The following SYNPO2 variants were observed in gnomAD, a reference collection of about 807,000 sequenced individuals.
The protein encoded by SYNPO2 is synaptopodin 2.
In SYNPO2, 56 loss-of-function variants were observed where a neutral mutation model predicts 85.0. The ratio of observed to expected loss-of-function variants is 0.66; its 90% CI spans 0.53 to 0.82. The LOEUF is 0.82. SYNPO2 is among the 40% of genes least tolerant of loss of function. The pLI is 0.00. For synonymous variants in SYNPO2, 602 were observed against 591.1 expected (o/e 1.02, Z -0.27); for missense variants, 1,575 against 1,534.2 (o/e 1.03, Z -0.44).
At chr4:118,904,056 T>C (rs1481699010) in intron 1 of SYNPO2, among the ~76,000 whole-genome samples, 1 of 152,142 alleles carries the variant, frequency 6.6e-6, no homozygotes, top group Admixed American at 6.5e-5. Context: ...CAAGCTGTAA[T>C]TAATTGCATA....
At chr4:119,020,503 T>G (rs1156279149) in intron 1 of SYNPO2, among the ~76,000 whole-genome samples, 2 of 152,122 alleles carry the variant, frequency 1.3e-5, no homozygotes, top group African/African-American at 4.8e-5. Context: ...AAGAATCAAT[T>G]TTTCATCTTC....
chr4:118,902,824 A>ACT (rs1732804752), intron 1 of SYNPO2, among the ~76,000 whole-genome samples: 2 of 152,222 alleles, frequency 1.3e-5, no homozygotes, highest in Non-Finnish European at 2.9e-5. Context: ...AGTACTTAGA[A>ACT]AACATTCAAG....
chr4:119,021,920 C>T (rs1737738331), intron 1 of SYNPO2, among the ~76,000 whole-genome samples: 1 of 152,370 alleles, frequency 6.6e-6, no homozygotes, highest in Non-Finnish European at 1.5e-5. Context: ...CCTGACCTCT[C>T]ATTTCCCTTG....
At chr4:118,890,540 T>C (rs369880759) in intron 1 of SYNPO2, among the ~76,000 whole-genome samples, 16 of 148,158 alleles carry the variant, frequency 1.1e-4, no homozygotes, top group Admixed American at 5.0e-4. Context: ...ATGCCCAATT[T>C]AGCATATGTA....
At chr4:118,994,540 T>C (rs1736520176) in intron 1 of SYNPO2, among the ~76,000 whole-genome samples, 1 of 81,784 alleles carries the variant, frequency 1.2e-5, no homozygotes, top group African/African-American at 4.2e-5. Flanking sequence ...GTTAATTCAA[T>C]ATATGAACTG....
In SYNPO2 at chr4:119,030,268, G is replaced by C; in HGVS notation, c.1493G>C (p.Arg498Thr). The change falls in exon 4 of 5, where the codon AGG (arginine) becomes ACG (threonine). Residue 498 changes from arginine (R) to threonine (T), a missense_variant. By Grantham distance (71) the Arg-to-Thr change is moderately conservative. Transcript: ENST00000307142. ...AAGGGAGCCCTCATGTTTGCCAAGA[G>C]GAGGGAGAGAATGGATCAGATCACA... The part of the protein sequence containing the change: ...TGKGALMFAK[R>T]RERMDQITAQ... 1 of 1,614,046 alleles carries C rather than the reference G, an allele frequency of 6.2e-7. No homozygotes were observed. The highest frequency in any genetic ancestry group is 1.1e-5 in the South Asian group (1 of 91,076).
Position 118,890,745 on chromosome 4 carries a change from G to C in SYNPO2, c.105+1604G>C, listed in dbSNP as rs1450756858. Among the ~76,000 whole-genome samples, 148 of 104,762 alleles carry C rather than the reference G, an allele frequency of 1.4e-3. 1 individual carries two copies. The highest frequency in any genetic ancestry group is 3.1e-3 in the African/African-American group (99 of 31,598). The allele number at this position is 104,762 out of a possible 152,430, so 68.7% of individuals were successfully genotyped here. ...TCTCTCTCTCTCTCTGTGTGTGTGT[G>C]TGTGTGTGTGTAGGGAGAGAGAGAC... On this transcript the variant is annotated intron_variant, in intron 1 of 4. Transcript: ENST00000307142.
At chr4:118,915,539 T>C (rs1250041221) in intron 1 of SYNPO2, among the ~76,000 whole-genome samples, 2 of 152,208 alleles carry the variant, frequency 1.3e-5, no homozygotes, top group Non-Finnish European at 2.9e-5. Context: ...TTTTTTCTAA[T>C]GTGTAATATT....
intron 4 of SYNPO2, chr4:119,034,837 C>A (rs1738436289): frequency 5.1e-6 from 5 of 985,398 alleles, no homozygotes; most frequent in African/African-American, 1.7e-5. Context: ...GTTAGACCTC[C>A]AGACGTCAGC....
intron 1 of SYNPO2, among the ~76,000 whole-genome samples, chr4:118,940,904 TC>T (rs11294926): frequency 0.58 from 88,135 of 151,814 alleles, 26,250 homozygotes; most frequent in Admixed American, 0.73. Flanking sequence ...TTGGTGCTCC[TC>T]CGGGTTCTGC....
At position 119,057,654 on chromosome 4, in the gene SYNPO2, T is replaced by C; in HGVS notation, c.3506T>C (p.Leu1169Pro). 6.2e-7 allele frequency: 1 copy of C among 1,614,122 alleles called. No individual in the cohort carries two copies. The highest frequency in any genetic ancestry group is 1.1e-5 in the South Asian group (1 of 91,056). ...NVVSAARRKVLPGPPEDWNER... is the reference protein window; with the variant it reads ...NVVSAARRKVPPGPPEDWNER... ...GTTTCAGCAGCTCGGAGGAAGGTGC[T>C]TCCAGGGCCTCCAGAGGATTGGAAT... The change falls in exon 5 of 5, where the codon CTT becomes CCT. Residue 1169 changes from leucine to proline, a missense_variant. Transcript: ENST00000307142.
At chr4:119,055,311 C>T (rs1739176209) in intron 4 of SYNPO2, among the ~76,000 whole-genome samples, 1 of 152,060 alleles carries the variant, frequency 6.6e-6, no homozygotes, top group Admixed American at 6.6e-5. Context: ...GCCATCACAC[C>T]TTGGAGAATT....
rs1183293417 is a variant in SYNPO2 at position 119,057,788 on chromosome 4, G to A, written c.3640G>A (p.Gly1214Ser). 6.2e-7 allele frequency: 1 copy of A among 1,613,984 alleles called. No homozygotes were observed. Among genetic ancestry groups the A allele is most frequent in the East Asian group, 2.2e-5 (1 of 44,854 alleles). ...TAATATGTCCACCACCTCCCAATAT[G>A]GTTCACAGTTGCCATATGCATATTA... Reference protein sequence around the residue: ...NNNMSTTSQYGSQLPYAYYRQ... With the variant: ...NNNMSTTSQYSSQLPYAYYRQ... Residue 1214 changes from glycine (G) to serine (S), a missense_variant, in exon 5 of 5, where the codon GGT (glycine) becomes AGT (serine). Around this residue, in one of 3 missense-constraint regions of SYNPO2, gnomAD observed 1,508 missense variants for 1,446.8 expected, o/e 1.04. Coordinates refer to ENST00000307142, the MANE Select transcript of SYNPO2 (RefSeq NM_133477.3).
chr4:118,882,982 C>T (rs187392036), intron 1 of SYNPO2, among the ~76,000 whole-genome samples: 2 of 151,750 alleles, frequency 1.3e-5, no homozygotes, highest in Admixed American at 6.6e-5. Flanking sequence ...AGGATGGTCT[C>T]GATCTCCTGA....
At chr4:118,924,873 A>G (rs1253068499) in intron 1 of SYNPO2, among the ~76,000 whole-genome samples, 1 of 152,210 alleles carries the variant, frequency 6.6e-6, no homozygotes, top group Non-Finnish European at 1.5e-5. Context: ...TCTCAGTTGC[A>G]AAAGCCCAAA....
At position 119,005,288 on chromosome 4, in the gene SYNPO2, A is replaced by T. The variant is rs1736993295; in HGVS notation, c.106-18142A>T. 2.0e-5 allele frequency among the ~76,000 whole-genome samples: 3 copies of T among 152,198 alleles called. No homozygotes were observed. The South Asian group carries it at 6.2e-4, about 32-fold the overall frequency. On this transcript the variant is annotated intron_variant, in intron 1 of 4. Coordinates refer to ENST00000307142, the MANE Select transcript of SYNPO2 (RefSeq NM_133477.3). Reference sequence around the variant, plus strand: ...TGCCATTGCTTTTGGCGTTTTAGACATGAAGTCCTTTCCCATGCCTATGTC... The same window carrying T: ...TGCCATTGCTTTTGGCGTTTTAGACTTGAAGTCCTTTCCCATGCCTATGTC...
chr4:118,915,944 A>T (rs530453657), intron 1 of SYNPO2, among the ~76,000 whole-genome samples: 1 of 152,144 alleles, frequency 6.6e-6, no homozygotes, highest in Non-Finnish European at 1.5e-5. Context: ...ACTACCACGT[A>T]AATTAAATAT....
intron 1 of SYNPO2, among the ~76,000 whole-genome samples, chr4:118,940,397 T>C (rs1405422818): frequency 6.6e-6 from 1 of 152,204 alleles, no homozygotes; most frequent in African/African-American, 2.4e-5. Flanking sequence ...CATCTGTGGG[T>C]TAGAAAACAT....
At chr4:118,856,521 TATTTC>T (rs1185546170) in intron 1 of SYNPO2, among the ~76,000 whole-genome samples, 1 of 152,138 alleles carries the variant, frequency 6.6e-6, no homozygotes, top group Non-Finnish European at 1.5e-5. Flanking sequence ...TATTTTATTT[TATTTC>T]ATTTTATTTT....
Sources: gnomAD v4.1 joint callset for allele counts (sites outside exome capture counted in the v4.1 genomes callset) on GRCh38, gnomAD v4.1.1 for gene constraint, gnomAD v4.1.1 regional missense constraint, MANE v1.5 for transcripts, NCBI Gene and HGNC (gene_info 2026-07-23, HGNC 2026-07-21) for gene names.